Variants in RBFOX1 observed in about 807,000 individuals in gnomAD.
RBFOX1 encodes the protein RNA binding protein fox-1 homolog 1.
Under a neutral mutation model 57.7 loss-of-function variants are expected in RBFOX1, and 8 were observed. The observed-to-expected ratio is 0.14, with a 90% CI of 0.08 to 0.25. RBFOX1 has a LOEUF of 0.25. Among genes scored for constraint, RBFOX1 ranks in the 10% least tolerant of loss-of-function variants. The pLI is 1.00. For missense variants in RBFOX1, 611 were observed against 548.5 expected (o/e 1.11, Z -1.14); for synonymous variants, 326 against 222.4 (o/e 1.47, Z -4.15).
intron 4 of RBFOX1, among the ~76,000 whole-genome samples, chr16:5,973,316 A>G (rs2059998662): frequency 6.6e-6 from 1 of 152,196 alleles, no homozygotes; most frequent in Non-Finnish European, 1.5e-5. Flanking sequence ...GAGCAATTAG[A>G]TCTATATCAC....
intron 4 of RBFOX1, among the ~76,000 whole-genome samples, chr16:7,072,564 G>A (rs2057542844): frequency 6.6e-6 from 1 of 152,154 alleles, no homozygotes; most frequent in Admixed American, 6.6e-5. Context: ...TACAATGAAA[G>A]AATCAGTATG....
chr16:7,151,850 A>G (rs750924713), intron 4 of RBFOX1, among the ~76,000 whole-genome samples: 6 of 152,102 alleles, frequency 3.9e-5, no homozygotes, highest in Admixed American at 1.3e-4. Context: ...CACAGTTCAC[A>G]AGAGGATTTC....
chr16:7,077,502 G>T (rs888476671), intron 4 of RBFOX1, among the ~76,000 whole-genome samples: 3 of 152,140 alleles, frequency 2.0e-5, no homozygotes, highest in Non-Finnish European at 2.9e-5. Context: ...CATAAACATG[G>T]ACTAATGGGG....
At chr16:7,504,594 G>A (rs1028916904) in intron 4 of RBFOX1, among the ~76,000 whole-genome samples, 1 of 148,712 alleles carries the variant, frequency 6.7e-6, no homozygotes, top group Non-Finnish European at 1.5e-5. Context: ...GAAAGACTTA[G>A]ATATGAGGTC....
At chr16:5,814,305 C>T (rs948162390) in intron 3 of RBFOX1, among the ~76,000 whole-genome samples, 1 of 152,162 alleles carries the variant, frequency 6.6e-6, no homozygotes, top group Non-Finnish European at 1.5e-5. Context: ...AGGGATTGTA[C>T]TCTGTAAAAG....
At chr16:5,769,973 G>C (rs1466010851) in intron 3 of RBFOX1, among the ~76,000 whole-genome samples, 1 of 152,212 alleles carries the variant, frequency 6.6e-6, no homozygotes, top group African/African-American at 2.4e-5. Context: ...CTAGAGACTT[G>C]TACTCCTCTG....
At chr16:7,166,964 T>G (rs1056948080) in intron 4 of RBFOX1, among the ~76,000 whole-genome samples, 3 of 135,890 alleles carry the variant, frequency 2.2e-5, no homozygotes, top group African/African-American at 8.7e-5. Context: ...GATTGCTGCA[T>G]TGGTGTTCTT....
intron 2 of RBFOX1, among the ~76,000 whole-genome samples, chr16:6,612,096 CT>C (rs2098067229): frequency 6.6e-6 from 1 of 152,186 alleles, no homozygotes; most frequent in African/African-American, 2.4e-5. Context: ...ACCCTCCCCT[CT>C]TGCATATGGT....
chr16:5,425,062 T>TTATTTATTTA (rs1567491020), intron 1 of RBFOX1, among the ~76,000 whole-genome samples: 3 of 106,984 alleles, frequency 2.8e-5, no homozygotes, highest in Non-Finnish European at 4.0e-5. Flanking sequence ...CTTCCTTCCT[T>TTATTTATTTA]TCTTATCTAT....
At chr16:7,069,521 A>G (rs572272968) in intron 4 of RBFOX1, among the ~76,000 whole-genome samples, 2 of 152,312 alleles carry the variant, frequency 1.3e-5, no homozygotes, top group South Asian at 2.1e-4. Context: ...TGCAAAAGAC[A>G]TGATAGTGTG....
At chr16:6,490,752 G>A (rs1021346178) in intron 2 of RBFOX1, among the ~76,000 whole-genome samples, 5 of 152,198 alleles carry the variant, frequency 3.3e-5, no homozygotes, top group Admixed American at 2.0e-4. Flanking sequence ...CCTGGAGACA[G>A]TTTAGGAACT....
At chr16:6,576,295 G>C (rs142567478) in intron 2 of RBFOX1, among the ~76,000 whole-genome samples, 3 of 152,174 alleles carry the variant, frequency 2.0e-5, no homozygotes, top group Admixed American at 2.0e-4. Flanking sequence ...CTCATGCTGA[G>C]ACGACGTAGA....
chr16:5,467,138 G>C, intron 1 of RBFOX1: 3 of 1,359,624 alleles, frequency 2.2e-6, no homozygotes, highest in Non-Finnish European at 2.9e-6. Context: ...GAAAAACAAA[G>C]CCAAAGCAAT....
At chr16:7,603,757 G>A (rs1000149605) in intron 9 of RBFOX1, among the ~76,000 whole-genome samples, 2 of 152,128 alleles carry the variant, frequency 1.3e-5, no homozygotes, top group African/African-American at 4.8e-5. Flanking sequence ...GTACCAAAGA[G>A]GTACCAAATA....
intron 1 of RBFOX1, among the ~76,000 whole-genome samples, chr16:5,374,128 G>T (rs1567408710): frequency 6.6e-6 from 1 of 152,314 alleles, no homozygotes; most frequent in East Asian, 1.9e-4. Context: ...AGTAGAGACA[G>T]GGTTTCACCA....
chr16:6,115,612 A>G (rs186686252), intron 1 of RBFOX1, among the ~76,000 whole-genome samples: 1 of 152,274 alleles, frequency 6.6e-6, no homozygotes, highest in East Asian at 1.9e-4. Context: ...TTCCAAGTAT[A>G]GCATATCTTT....
At chr16:5,346,271 C>G (rs1169815004) in intron 1 of RBFOX1, among the ~76,000 whole-genome samples, 2 of 152,170 alleles carry the variant, frequency 1.3e-5, no homozygotes, top group Admixed American at 6.5e-5. Context: ...ATAAAAAAGT[C>G]TTATAGAGCT....
intron 4 of RBFOX1, among the ~76,000 whole-genome samples, chr16:7,262,586 C>G (rs2094960446): frequency 6.6e-6 from 1 of 152,270 alleles, no homozygotes; most frequent in Non-Finnish European, 1.5e-5. Flanking sequence ...CTGGGTCCAG[C>G]TTTGATTCCC....
chr16:6,247,876 A>G (rs1025302272), intron 1 of RBFOX1, among the ~76,000 whole-genome samples: 1 of 152,182 alleles, frequency 6.6e-6, no homozygotes, highest in Non-Finnish European at 1.5e-5. Flanking sequence ...CAGTGGCCAC[A>G]TTGTCATAAG....
Sources: allele counts gnomAD v4.1 joint callset (sites outside exome capture counted in the v4.1 genomes callset), GRCh38; gene constraint gnomAD v4.1.1; transcripts MANE v1.5; gene names NCBI Gene and HGNC (gene_info 2026-07-23, HGNC 2026-07-21).